The following MISP variants were observed in gnomAD, a reference collection of about 807,000 sequenced individuals.
MISP encodes the protein mitotic interactor and substrate of PLK1.
In MISP, 51 loss-of-function variants were observed where a neutral mutation model predicts 49.3. That is an observed-to-expected ratio of 1.03 (90% CI 0.83 to 1.31). The LOEUF (loss-of-function observed/expected upper bound fraction) is 1.31. Ranked by LOEUF, MISP falls within the 50% of genes most tolerant of loss-of-function variation. The pLI is 0.00. For missense variants in MISP, 1,084 were observed against 935.1 expected, an observed-to-expected ratio of 1.16 and a Z score of -2.08; for synonymous variants, 444 against 392.6, an observed-to-expected ratio of 1.13 and a Z score of -1.55.
intron 2 of MISP, among the ~76,000 whole-genome samples, chr19:759,401 T>A (rs951683078): frequency 5.3e-4 from 5 of 9,382 alleles, no homozygotes; most frequent in African/African-American, 1.3e-3. Flanking sequence ...CTTTTAATGT[T>A]TTTTTTTTTT....
rs139949935 is a variant in MISP at position 756,914 on chromosome 19, G to A, written c.-33G>A. ...GTAAGCCCAGAGGTCTCCACCCCAC[G>A]GGAGGAAGGCTGAGGCCAAGACCCC... On this transcript the variant is annotated 5_prime_UTR_variant, in exon 2 of 5. Coordinates refer to ENST00000215582, the MANE Select transcript of MISP (RefSeq NM_173481.4). 1.2e-5 allele frequency: 18 copies of A among 1,477,236 alleles called. No individual in the cohort carries two copies. The highest frequency in any genetic ancestry group is 3.6e-4 in the Middle Eastern group (2 of 5,624). 91.5% of individuals were successfully genotyped at this position (1,477,236 alleles called of 1,614,324 possible).
In MISP at chr19:758,340, TG is replaced by T; in HGVS notation, c.1395del (p.Met465IlefsTer14). On this transcript the variant is annotated frameshift_variant, in exon 2 of 5. Transcript: ENST00000215582. LOFTEE classifies it high-confidence loss of function. The stretch of plus-strand genomic sequence containing the variant: ...GCTGCGACTTCACCAAAGGCCACGA[TG>T]TCCCCGAGGCATCTCTCAGAATCCT... ...AKAATSPKATMSPRHLSESSG... is the reference protein window; with the variant it reads ...AKAATSPKATXSPRHLSESSG... 1.9e-6 allele frequency: 3 copies of T among 1,614,152 alleles called. No homozygotes were observed. The highest frequency in any genetic ancestry group is 2.5e-6 in the Non-Finnish European group (3 of 1,180,028).
chr19:759,405 T>A (rs1222553579), intron 2 of MISP, among the ~76,000 whole-genome samples: 1 of 144,994 alleles, frequency 6.9e-6, no homozygotes, highest in Admixed American at 6.9e-5. Context: ...TAATGTTTTT[T>A]TTTTTTTTTT....
chr19:749,672 A>G (rs773777441), upstream of MISP, among the ~76,000 whole-genome samples: 3 of 152,144 alleles, frequency 2.0e-5, no homozygotes, highest in Non-Finnish European at 4.4e-5. Flanking sequence ...CTCTACTAAA[A>G]ATACAAAAAT....
At chr19:761,795 C>A in intron 4 of MISP, 132 bp downstream of exon 4, 1 of 952,842 alleles carries the variant, frequency 1.0e-6, no homozygotes, top group Non-Finnish European at 1.6e-6. Context: ...TTGGTAGTGT[C>A]TGCTCAGGGT....
At chr19:754,266 C>G (rs2033508665) in intron 1 of MISP, among the ~76,000 whole-genome samples, 1 of 152,164 alleles carries the variant, frequency 6.6e-6, no homozygotes, top group Non-Finnish European at 1.5e-5. Context: ...AGATCAAGAC[C>G]ATCCTGGCTA....
At chr19:754,387 T>C (rs1295742689) in intron 1 of MISP, among the ~76,000 whole-genome samples, 12 of 149,804 alleles carry the variant, frequency 8.0e-5, no homozygotes, top group East Asian at 3.9e-4. Context: ...GGCGTGAACC[T>C]GGGAGGCAGA....
Position 763,630 on chromosome 19 carries a change from C to A in MISP, c.*40C>A. 1 of 1,486,018 alleles carries A rather than the reference C, an allele frequency of 6.7e-7. No individual in the cohort carries two copies. The allele number at this position is 1,486,018 out of a possible 1,614,324, so 92.1% of individuals were successfully genotyped here. Reference sequence around the variant, plus strand: ...CGCCCACCCCCTGCCCTGCCCTGACCCTCGTGGGAACTGCCAAGACCATCG... The same window carrying A: ...CGCCCACCCCCTGCCCTGCCCTGACACTCGTGGGAACTGCCAAGACCATCG... On this transcript the variant is annotated 3_prime_UTR_variant, in exon 5 of 5. Transcript: ENST00000215582.
Position 757,069 on chromosome 19 carries a change from C to G in MISP, c.123C>G (p.Ser41Arg). 1 of 1,611,948 alleles carries G rather than the reference C, an allele frequency of 6.2e-7. No individual in the cohort carries two copies. The highest frequency in any genetic ancestry group is 1.1e-5 in the South Asian group (1 of 90,950). The change falls in exon 2 of 5, where the codon AGC (serine) becomes AGG (arginine). Residue 41 changes from serine to arginine, a missense_variant. Coordinates refer to ENST00000215582, the MANE Select transcript of MISP (RefSeq NM_173481.4). ...TGGTGTGCATGGGCCCCGAGGCCAG[C>G]GGCTGGGGCCAGGATGAGCCGCAGA... ...YHLVCMGPEA[S>R]GWGQDEPQTW...
At chr19:754,966 G>T (rs543821558) in intron 1 of MISP, among the ~76,000 whole-genome samples, 1 of 148,880 alleles carries the variant, frequency 6.7e-6, no homozygotes, top group Non-Finnish European at 1.5e-5. Flanking sequence ...GGGTGGAAGA[G>T]GAGGGCCTGG....
Position 757,243 on chromosome 19 carries a change from C to T in MISP, c.297C>T (p.Ala99=), listed in dbSNP as rs1321304032. Residue 99 remains alanine, a synonymous_variant, in exon 2 of 5, where the codon GCC becomes GCT. Coordinates refer to ENST00000215582, the MANE Select transcript of MISP (RefSeq NM_173481.4). ...GTTGGCAGGTTTACCGCCTGGGCGCCAGGGATGCCCACCAGGGACGTCCAA... is the reference window on the plus strand; with the variant it reads ...GTTGGCAGGTTTACCGCCTGGGCGCTAGGGATGCCCACCAGGGACGTCCAA... ...DEGWQVYRLG[A]RDAHQGRPTW... 6.2e-7 allele frequency: 1 copy of T among 1,613,870 alleles called. No homozygotes were observed. Among genetic ancestry groups the T allele is most frequent in the Non-Finnish European group, 8.5e-7 (1 of 1,179,984 alleles).
intron 3 of MISP, 118 bp downstream of exon 3, chr19:760,157 CT>C: frequency 8.6e-7 from 1 of 1,162,506 alleles, no homozygotes; most frequent in Non-Finnish European, 1.2e-6. Flanking sequence ...ACCCCCACCC[CT>C]GGCCGTGCCT....
intron 3 of MISP, among the ~76,000 whole-genome samples, chr19:760,723 G>T (rs1246716290): frequency 6.6e-6 from 1 of 151,810 alleles, no homozygotes; most frequent in African/African-American, 2.4e-5. Context: ...GGGAGGGAGG[G>T]ATGGAGGGAA....
chr19:749,160 G>A (rs1047632157), upstream of MISP, among the ~76,000 whole-genome samples: 2 of 152,060 alleles, frequency 1.3e-5, no homozygotes, highest in African/African-American at 2.4e-5. Context: ...ATAGGCCTTC[G>A]GAGCCCTGAG....
chr19:757,800 C>G lies in MISP; in HGVS notation c.854C>G (p.Pro285Arg), dbSNP rs760519356. 1 of 1,611,848 alleles carries G rather than the reference C, an allele frequency of 6.2e-7. No homozygotes were observed. Among genetic ancestry groups the G allele is most frequent in the South Asian group, 1.1e-5 (1 of 90,958 alleles). Residue 285 changes from proline to arginine, a missense_variant, in exon 2 of 5, where the codon CCG becomes CGG. By Grantham distance (103) the Pro-to-Arg change is moderately radical (BLOSUM62 -2). Coordinates refer to ENST00000215582, the MANE Select transcript of MISP (RefSeq NM_173481.4). Reference protein sequence around the residue: ...DPGSLASVESPGTPKETPIER... With the variant: ...DPGSLASVESRGTPKETPIER... The stretch of plus-strand genomic sequence containing the variant: ...GGCTCCTTGGCCTCAGTGGAGTCCC[C>G]GGGGACCCCCAAGGAGACGCCCATC...
In MISP at chr19:756,915, G is replaced by A. The variant is rs1177860782; in HGVS notation, c.-32G>A. ...TAAGCCCAGAGGTCTCCACCCCACGGGAGGAAGGCTGAGGCCAAGACCCCG... is the reference window on the plus strand; with the variant it reads ...TAAGCCCAGAGGTCTCCACCCCACGAGAGGAAGGCTGAGGCCAAGACCCCG... On this transcript the variant is annotated 5_prime_UTR_variant, in exon 2 of 5. Coordinates refer to ENST00000215582, the MANE Select transcript of MISP (RefSeq NM_173481.4). 6.8e-7 allele frequency: 1 copy of A among 1,480,492 alleles called. No homozygotes were observed. Among genetic ancestry groups the A allele is most frequent in the African/African-American group, 1.4e-5 (1 of 71,282 alleles). The allele number at this position is 1,480,492 out of a possible 1,614,324, so 91.7% of individuals were successfully genotyped here.
At chr19:762,626 AC>A (rs2033691250) in intron 4 of MISP, among the ~76,000 whole-genome samples, 2 of 151,926 alleles carry the variant, frequency 1.3e-5, no homozygotes, top group Non-Finnish European at 2.9e-5. Context: ...TTTATGGCAC[AC>A]GTGTGTGGCC....
Position 757,521 on chromosome 19 carries a change from A to G in MISP, c.575A>G (p.Asp192Gly), listed in dbSNP as rs1303985976. The G allele has an allele frequency of 1.2e-6, 2 of 1,609,588 alleles. No homozygotes were observed. The highest frequency in any genetic ancestry group is 1.7e-6 in the Non-Finnish European group (2 of 1,178,428). The change falls in exon 2 of 5, where the codon GAC becomes GGC. Residue 192 changes from aspartate (D) to glycine (G), a missense_variant. Physicochemically the swap from Asp to Gly is moderately conservative, Grantham distance 94. Transcript: ENST00000215582. ...AACGTGGTTGACAGGGAGCAGATTG[A>G]CTTCCTGGCAGCGAGACAGCAGTTC... is the stretch of plus-strand genomic sequence containing the variant. ...EENVVDREQIDFLAARQQFLS... is the reference protein window; with the variant it reads ...EENVVDREQIGFLAARQQFLS...
rs190322853 is a variant in MISP at position 759,985 on chromosome 19, A to C, written c.1857A>C (p.Thr619=). The part of the protein sequence containing the change: ...PIHLHSNVAW[T]VEDPVDSAPP... ...ACCTACACTCAAACGTGGCGTGGAC[A>C]GTGGAAGATCCAGTGGACAGTGCTC... The change falls in exon 3 of 5, where the codon ACA becomes ACC. Residue 619 remains threonine (T), a synonymous_variant. Coordinates refer to ENST00000215582, the MANE Select transcript of MISP (RefSeq NM_173481.4). 3.1e-6 allele frequency: 5 copies of C among 1,614,046 alleles called. No homozygotes were observed. The highest frequency in any genetic ancestry group is 4.2e-6 in the Non-Finnish European group (5 of 1,179,944).
Sources: allele counts gnomAD v4.1 joint callset (sites outside exome capture counted in the v4.1 genomes callset), GRCh38; gene constraint gnomAD v4.1.1; transcripts MANE v1.5; gene names NCBI Gene and HGNC (gene_info 2026-07-23, HGNC 2026-07-21).